The following ZFPM1 variants were observed in gnomAD, a reference collection of about 807,000 sequenced individuals.
The protein encoded by ZFPM1 is zinc finger protein, FOG family member 1, also known as zinc finger protein ZFPM1.
In ZFPM1, 28 loss-of-function variants were observed where a neutral mutation model predicts 46.3. The ratio of observed to expected loss-of-function variants is 0.60; its 90% CI spans 0.45 to 0.83. The LOEUF (loss-of-function observed/expected upper bound fraction) is 0.83. Among genes scored for constraint, ZFPM1 ranks in the 40% least tolerant of loss-of-function variants. The pLI, the probability that ZFPM1 is intolerant of heterozygous loss-of-function variation, is 0.00. For missense variants in ZFPM1, 1,878 were observed against 1,432.4 expected (o/e 1.31, Z -5.02); for synonymous variants, 957 against 675.9 (o/e 1.42, Z -6.45).
intron 6 of ZFPM1, 66 bp downstream of exon 6, chr16:88,528,304 A>G: frequency 7.6e-7 from 1 of 1,321,388 alleles, no homozygotes; most frequent in South Asian, 1.3e-5. Context: ...AGGGCAGGAG[A>G]GGGTGGGAGC....
In ZFPM1 at chr16:88,533,315, A is replaced by G; in HGVS notation, c.1357A>G (p.Ser453Gly). The G allele has an allele frequency of 6.5e-7, 1 of 1,531,622 alleles. No homozygotes were observed. The highest frequency in any genetic ancestry group is 2.5e-5 in the East Asian group (1 of 40,270). 94.9% of individuals were successfully genotyped at this position (1,531,622 alleles called of 1,614,324 possible). A position where few individuals can be genotyped will look rare whatever the true frequency, so the allele number is the denominator to read the frequency against. Residue 453 changes from serine (S) to glycine (G), a missense_variant, in exon 10 of 10, where the codon AGC (serine) becomes GGC (glycine). Physicochemically the swap from Ser to Gly is moderately conservative, Grantham distance 56. Transcript: ENST00000319555. ...AEPLAQNGGS[S>G]EPPAAPRSIK... Reference sequence around the variant, plus strand: ...GCCTCTGGCCCAGAATGGAGGCAGCAGCGAGCCCCCGGCGGCCCCCAGGAG... The same window carrying G: ...GCCTCTGGCCCAGAATGGAGGCAGCGGCGAGCCCCCGGCGGCCCCCAGGAG...
Position 88,503,969 on chromosome 16 carries a change from G to A in ZFPM1, c.269-10418G>A, listed in dbSNP as rs150493519. Among the ~76,000 whole-genome samples, 1,029 of 152,182 alleles carry A rather than the reference G, an allele frequency of 6.8e-3. 10 individuals are homozygous for A. The highest frequency in any genetic ancestry group is 0.021 in the African/African-American group (880 of 41,510). On this transcript the variant is annotated intron_variant, in intron 3 of 9. Coordinates refer to ENST00000319555, the MANE Select transcript of ZFPM1 (RefSeq NM_153813.3). The stretch of plus-strand genomic sequence containing the variant: ...GGGGTAGCAGTGTCCTGACACTCTC[G>A]GTGGGTACCAGCGTCCTCACCAGCA...
chr16:88,510,461 A>G (rs983026635), intron 3 of ZFPM1, among the ~76,000 whole-genome samples: 7 of 152,218 alleles, frequency 4.6e-5, no homozygotes, highest in Non-Finnish European at 8.8e-5. Context: ...CAATCATATA[A>G]ATATGCAATG....
chr16:88,514,580 A>G, intron 4 of ZFPM1, 60 bp downstream of exon 4: 1 of 1,385,958 alleles, frequency 7.2e-7, no homozygotes. Flanking sequence ...ACATGGACCC[A>G]GGGGACAGGC....
rs368147437 is a variant in ZFPM1 at position 88,455,445 on chromosome 16, C to T, written c.40+1767C>T. 6.8e-3 allele frequency among the ~76,000 whole-genome samples: 1,039 copies of T among 152,224 alleles called. 10 individuals carry two copies. The highest frequency in any genetic ancestry group is 0.023 in the African/African-American group (965 of 41,544). On this transcript the variant is annotated intron_variant, in intron 1 of 9. Transcript: ENST00000319555. ...CGGACCCTCCCTGTCGCTCGCGGCC[C>T]GGGGCGCCTCCTCCCCATGGCAGAT... is the stretch of plus-strand genomic sequence containing the variant.
In ZFPM1 at chr16:88,535,388, T is replaced by G. The variant is rs1013738317; in HGVS notation, c.*409T>G. The G allele has an allele frequency of 6.3e-6, 1 of 158,272 alleles. No individual in the cohort carries two copies. Among genetic ancestry groups the G allele is most frequent in the Non-Finnish European group, 1.4e-5 (1 of 72,268 alleles). 9.8% of individuals were successfully genotyped at this position (158,272 alleles called of 1,614,324 possible). The stretch of plus-strand genomic sequence containing the variant: ...CTCTGGGCCTACCCCACCCCAGCCC[T>G]GTCCATACCCCCCTAGGGAGAGCAG... On this transcript the variant is annotated 3_prime_UTR_variant, in exon 10 of 10. Coordinates refer to ENST00000319555, the MANE Select transcript of ZFPM1 (RefSeq NM_153813.3).
chr16:88,506,623 C>T (rs916887222), intron 3 of ZFPM1, among the ~76,000 whole-genome samples: 2 of 152,142 alleles, frequency 1.3e-5, no homozygotes, highest in Non-Finnish European at 2.9e-5. Context: ...GCCAGAGGGC[C>T]CAGACGTATG....
Position 88,532,052 on chromosome 16 carries a change from A to C in ZFPM1, c.763A>C (p.Asn255His). Residue 255 changes from asparagine (N) to histidine (H), a missense_variant, in exon 7 of 10, where the codon AAC (asparagine) becomes CAC (histidine). Coordinates refer to ENST00000319555, the MANE Select transcript of ZFPM1 (RefSeq NM_153813.3). ...TGGCATCTGGTACCGCAGCGAGCGC[A>C]ACCTGCAGGCGCACCTGCTCTACTA... ...DCGIWYRSER[N>H]LQAHLLYYCA... The C allele has an allele frequency of 6.2e-7, 1 of 1,612,184 alleles. No individual in the cohort carries two copies. The highest frequency in any genetic ancestry group is 8.5e-7 in the Non-Finnish European group (1 of 1,179,508).
rs199815499 is a variant in ZFPM1, at chr16:88,501,385, G to GT, written c.268+12232_268+12233insT. Among the ~76,000 whole-genome samples the GT allele has an allele frequency of 4.3e-3, 217 of 50,472 alleles. 6 individuals are homozygous for GT. The highest frequency in any genetic ancestry group is 8.1e-3 in the South Asian group (11 of 1,364). The allele number at this position is 50,472 out of a possible 152,430, so 33.1% of individuals were successfully genotyped here. ...TGATGGAGATAGCAGACATGGGTGC[G>GT]GGGCCCTCCCGCAGGTGCTGGTGAT... is the stretch of plus-strand genomic sequence containing the variant. On this transcript the variant is annotated intron_variant, in intron 3 of 9. Transcript: ENST00000319555.
chr16:88,532,304 C>G, intron 7 of ZFPM1, 69 bp downstream of exon 7: 1 of 1,410,406 alleles, frequency 7.1e-7, no homozygotes, highest in East Asian at 2.5e-5. Flanking sequence ...CGCAGGCCGC[C>G]CGGGAAAACC....
upstream of ZFPM1, chr16:88,453,200 G>C (rs1278390127): frequency 6.7e-6 from 1 of 148,372 alleles, no homozygotes; most frequent in East Asian, 2.0e-4. Flanking sequence ...AGGAGGCACG[G>C]GGCGGGGCCG....
At chr16:88,530,040 G>C (rs1167842995) in intron 6 of ZFPM1, among the ~76,000 whole-genome samples, 1 of 152,128 alleles carries the variant, frequency 6.6e-6, no homozygotes, top group East Asian at 1.9e-4. Context: ...GAAAGGAGCC[G>C]GGAGCAAAGG....
Position 88,453,617 on chromosome 16 carries a change from G to C in ZFPM1, c.-22G>C. The C allele has an allele frequency of 2.7e-6, 3 of 1,104,840 alleles. No individual in the cohort carries two copies. The highest frequency in any genetic ancestry group is 3.3e-6 in the Non-Finnish European group (3 of 895,680). 68.4% of individuals were successfully genotyped at this position (1,104,840 alleles called of 1,614,324 possible). On this transcript the variant is annotated 5_prime_UTR_variant, in exon 1 of 10. Coordinates refer to ENST00000319555, the MANE Select transcript of ZFPM1 (RefSeq NM_153813.3). ...GCCCGGGGCTAGAGGCGGCCGCCGG[G>C]AGGGCGCGCGGCGCCGGAGACATGT...
chr16:88,456,101 C>A (rs1907547725), intron 1 of ZFPM1, among the ~76,000 whole-genome samples: 2 of 152,280 alleles, frequency 1.3e-5, no homozygotes, highest in Admixed American at 1.3e-4. Flanking sequence ...AGCCGGCGTC[C>A]CTGCGCTGGT....
intron 3 of ZFPM1, among the ~76,000 whole-genome samples, chr16:88,506,368 G>A (rs923178594): frequency 6.6e-6 from 1 of 152,150 alleles, no homozygotes; most frequent in African/African-American, 2.4e-5. Context: ...GTCTTCTAGG[G>A]CAGGGCGCTG....
At chr16:88,508,027 T>C (rs1181852428) in intron 3 of ZFPM1, among the ~76,000 whole-genome samples, 2 of 152,198 alleles carry the variant, frequency 1.3e-5, no homozygotes, top group East Asian at 3.9e-4. Context: ...CCGGGCACGG[T>C]GGCTCACACC....
At chr16:88,508,488 C>A (rs1910779550) in intron 3 of ZFPM1, among the ~76,000 whole-genome samples, 1 of 152,242 alleles carries the variant, frequency 6.6e-6, no homozygotes. Context: ...CAGAGTCCAA[C>A]CACAGGCCTT....
Position 88,490,030 on chromosome 16 carries a change from A to G in ZFPM1, c.268+877A>G, listed in dbSNP as rs373740649. 1.5e-4 allele frequency among the ~76,000 whole-genome samples: 23 copies of G among 151,578 alleles called. No individual in the cohort carries two copies. In the East Asian group the frequency reaches 4.3e-3, roughly 28 times the overall value. ...AGGGGCAGGTGCTCGAGCCAGATGCATGTACAGATGCAGCAAGTATTTATT... is the reference window on the plus strand; with the variant it reads ...AGGGGCAGGTGCTCGAGCCAGATGCGTGTACAGATGCAGCAAGTATTTATT... On this transcript the variant is annotated intron_variant, in intron 3 of 9. Coordinates refer to ENST00000319555, the MANE Select transcript of ZFPM1 (RefSeq NM_153813.3).
intron 3 of ZFPM1, among the ~76,000 whole-genome samples, chr16:88,492,896 G>C (rs572098640): frequency 6.6e-6 from 1 of 152,302 alleles, no homozygotes; most frequent in East Asian, 1.9e-4. Context: ...TGAGTTCCTG[G>C]GCACACAAGG....
Sources: allele counts gnomAD v4.1 joint callset (sites outside exome capture counted in the v4.1 genomes callset), GRCh38; gene constraint gnomAD v4.1.1; transcripts MANE v1.5; gene names NCBI Gene and HGNC (gene_info 2026-07-23, HGNC 2026-07-21).